NETO2: variants seen among roughly 807,000 people sequenced by gnomAD.
NETO2 encodes neuropilin and tolloid like 2.
A neutral mutation model predicts 62.5 loss-of-function variants in NETO2; 28 were observed. That is an observed-to-expected ratio of 0.45 (90% CI 0.33 to 0.61). The LOEUF is 0.61. Ranked by LOEUF, NETO2 falls within the 20% of genes least tolerant of loss-of-function variation. The pLI, the probability that NETO2 is intolerant of heterozygous loss-of-function variation, is 0.02. For missense variants in NETO2, 548 were observed against 643.2 expected (o/e 0.85, Z 1.60); for synonymous variants, 214 against 219.1 (o/e 0.98, Z 0.21).
chr16:47,095,188 C>T (rs531433503), intron 7 of NETO2, among the ~76,000 whole-genome samples: 2 of 151,908 alleles, frequency 1.3e-5, no homozygotes, highest in Non-Finnish European at 2.9e-5. Context: ...TCCATAGTAA[C>T]CATAAGAACA....
chr16:47,139,485 T>TA (rs1964423209), intron 1 of NETO2, among the ~76,000 whole-genome samples: 1 of 152,162 alleles, frequency 6.6e-6, no homozygotes, highest in Non-Finnish European at 1.5e-5. Flanking sequence ...GTGGTAAACA[T>TA]AAAGCTTTTA....
At chr16:47,091,288 G>C (rs1351310365) in intron 7 of NETO2, among the ~76,000 whole-genome samples, 1 of 152,082 alleles carries the variant, frequency 6.6e-6, no homozygotes, top group Non-Finnish European at 1.5e-5. Context: ...TTGGTGATTA[G>C]TTAATATAAA....
At chr16:47,107,846 G>C (rs1963706487) in intron 7 of NETO2, among the ~76,000 whole-genome samples, 1 of 152,092 alleles carries the variant, frequency 6.6e-6, no homozygotes, top group Non-Finnish European at 1.5e-5. Context: ...TGTGATCTTA[G>C]CTCACTGCAG....
chr16:47,098,228 C>T (rs964059596), intron 7 of NETO2, among the ~76,000 whole-genome samples: 1 of 152,034 alleles, frequency 6.6e-6, no homozygotes, highest in African/African-American at 2.4e-5. Flanking sequence ...ACAAACTTCT[C>T]CGAGCTAAAG....
chr16:47,098,030 A>G (rs1048796191), intron 7 of NETO2, among the ~76,000 whole-genome samples: 2 of 152,224 alleles, frequency 1.3e-5, no homozygotes, highest in African/African-American at 2.4e-5. Flanking sequence ...GGTCACCAAC[A>G]TCAAAGACCA....
At chr16:47,127,649 G>A (rs1444770601) in intron 4 of NETO2, among the ~76,000 whole-genome samples, 2 of 152,098 alleles carry the variant, frequency 1.3e-5, no homozygotes, top group Non-Finnish European at 1.5e-5. Context: ...AGGGAGTGAG[G>A]CCCTGCTCAA....
intron 7 of NETO2, among the ~76,000 whole-genome samples, chr16:47,091,764 C>T (rs1055796976): frequency 2.0e-5 from 3 of 152,162 alleles, no homozygotes; most frequent in African/African-American, 7.2e-5. Context: ...GCCTATGTGA[C>T]CAGACTCTGA....
At chr16:47,107,092 TTTAAG>T (rs1963692627) in intron 7 of NETO2, among the ~76,000 whole-genome samples, 1 of 152,300 alleles carries the variant, frequency 6.6e-6, no homozygotes, top group Admixed American at 6.5e-5. Flanking sequence ...AGGATATACT[TTTAAG>T]TTAAAAACAT....
chr16:47,105,039 T>C (rs1963642308), intron 7 of NETO2, among the ~76,000 whole-genome samples: 1 of 151,974 alleles, frequency 6.6e-6, no homozygotes, highest in Non-Finnish European at 1.5e-5. Context: ...TTCTTTTTTT[T>C]ACTTTTTTAA....
intron 1 of NETO2, among the ~76,000 whole-genome samples, chr16:47,138,176 C>T (rs182075859): frequency 2.0e-5 from 3 of 152,208 alleles, no homozygotes; most frequent in East Asian, 3.9e-4. Context: ...CTGAGGTGGG[C>T]GGGTCATGAG....
intron 7 of NETO2, among the ~76,000 whole-genome samples, chr16:47,097,160 C>T (rs560144938): frequency 1.3e-5 from 2 of 152,160 alleles, no homozygotes; most frequent in Non-Finnish European, 2.9e-5. Context: ...GCCTGGAACG[C>T]CAGCGAGACA....
intron 7 of NETO2, among the ~76,000 whole-genome samples, chr16:47,108,260 C>T (rs1410064303): frequency 1.3e-5 from 2 of 152,068 alleles, no homozygotes; most frequent in Admixed American, 1.3e-4. Context: ...GTAAACGCTA[C>T]AGTAGTAACT....
intron 4 of NETO2, among the ~76,000 whole-genome samples, chr16:47,128,063 G>A (rs1038427316): frequency 6.6e-6 from 1 of 151,972 alleles, no homozygotes; most frequent in South Asian, 2.1e-4. Context: ...GTTAGCCTGA[G>A]CATGTGCTAT....
intron 7 of NETO2, among the ~76,000 whole-genome samples, chr16:47,106,035 T>C (rs1963665721): frequency 6.6e-6 from 1 of 152,174 alleles, no homozygotes; most frequent in Non-Finnish European, 1.5e-5. Flanking sequence ...AATGAATGTA[T>C]AAAGAAAATG....
chr16:47,102,148 A>G (rs531944611), intron 7 of NETO2, among the ~76,000 whole-genome samples: 1 of 152,332 alleles, frequency 6.6e-6, no homozygotes, highest in African/African-American at 2.4e-5. Context: ...CAACCATCTG[A>G]TCTTTGACAA....
At chr16:47,112,084 T>C (rs1324852926) in intron 6 of NETO2, among the ~76,000 whole-genome samples, 2 of 152,124 alleles carry the variant, frequency 1.3e-5, no homozygotes, top group African/African-American at 4.8e-5. Flanking sequence ...TTAAAATATA[T>C]TTTTAATTTT....
At chr16:47,122,594 C>G in intron 6 of NETO2, 63 bp downstream of exon 6, 1 of 1,556,290 alleles carries the variant, frequency 6.4e-7, no homozygotes, top group Non-Finnish European at 8.7e-7. Flanking sequence ...CAAAATTACA[C>G]ATTTTGCAAA....
At chr16:47,143,549 G>C in intron 1 of NETO2, 30 bp downstream of exon 1, 2 of 1,221,736 alleles carry the variant, frequency 1.6e-6, no homozygotes, top group Non-Finnish European at 2.0e-6. Flanking sequence ...CGCAGGGGGC[G>C]CCGTCCGTGG....
chr16:47,114,741 C>T (rs141218996), intron 6 of NETO2, among the ~76,000 whole-genome samples: 136 of 152,066 alleles, frequency 8.9e-4, no homozygotes, highest in African/African-American at 2.6e-3. Flanking sequence ...TGAGCCACCG[C>T]GCCCAGCCTG....
Sources: gnomAD v4.1 joint callset for allele counts (sites outside exome capture counted in the v4.1 genomes callset) on GRCh38, gnomAD v4.1.1 for gene constraint, MANE v1.5 for transcripts, NCBI Gene and HGNC (gene_info 2026-07-23, HGNC 2026-07-21) for gene names.